Variants in NPLOC4 observed in about 807,000 individuals in gnomAD.
The protein encoded by NPLOC4 is nuclear protein localization protein 4 homolog.
A neutral mutation model predicts 80.6 loss-of-function variants in NPLOC4; 18 were observed. That is an observed-to-expected ratio of 0.22 (90% confidence interval 0.15 to 0.33). NPLOC4 has a LOEUF of 0.33. Ranked by LOEUF, NPLOC4 falls within the 10% of genes least tolerant of loss-of-function variation. The pLI, the probability that NPLOC4 is intolerant of heterozygous loss-of-function variation, is 1.00. For synonymous variants in NPLOC4, 313 were observed against 301.5 expected, an observed-to-expected ratio of 1.04 and a Z score of -0.39; for missense variants, 540 against 786.1, an observed-to-expected ratio of 0.69 and a Z score of 3.74.
chr17:81,563,994 T>C lies in NPLOC4; in HGVS notation c.1669+1511A>G, dbSNP rs1005724448. On this transcript the variant is annotated intron_variant, in intron 16 of 16. Transcript: ENST00000331134. ...TACTCGGGAGGCTGAGGGAGGGGAA[T>C]TGCTTCAACCCAGGAGGCAGAGTTT... 5 of 449,000 alleles carry C rather than the reference T, an allele frequency of 1.1e-5. No individual in the cohort carries two copies. The Admixed American group carries it at 1.2e-4, about 11-fold the overall frequency. 27.8% of individuals were successfully genotyped at this position (449,000 alleles called of 1,614,324 possible).
intron 15 of NPLOC4, among the ~76,000 whole-genome samples, chr17:81,566,213 T>C (rs2034007850): frequency 6.6e-6 from 1 of 152,086 alleles, no homozygotes; most frequent in South Asian, 2.1e-4. Flanking sequence ...GCACCTGTAA[T>C]CCCAGCTACT....
intron 12 of NPLOC4, among the ~76,000 whole-genome samples, chr17:81,584,388 C>G (rs1409951243): frequency 6.6e-6 from 1 of 152,140 alleles, no homozygotes; most frequent in Non-Finnish European, 1.5e-5. Context: ...GAGCTCCATT[C>G]CTAAGTGCAA....
chr17:81,597,334 A>G lies in NPLOC4; in HGVS notation c.922-18T>C. ...CAGCCAACCTTAAAAAAAGGAAAGTAGCTTTTAAACATCTCCTCAAGATAG... is the reference window on the plus strand; with the variant it reads ...CAGCCAACCTTAAAAAAAGGAAAGTGGCTTTTAAACATCTCCTCAAGATAG... On this transcript the variant is annotated intron_variant, in intron 9 of 16. Transcript: ENST00000331134. The G allele has an allele frequency of 6.2e-7, 1 of 1,602,886 alleles. No individual in the cohort carries two copies. The highest frequency in any genetic ancestry group is 2.2e-5 in the East Asian group (1 of 44,790).
chr17:81,582,097 T>C (rs549919968), intron 12 of NPLOC4, among the ~76,000 whole-genome samples: 17 of 152,086 alleles, frequency 1.1e-4, no homozygotes, highest in Non-Finnish European at 2.2e-4. Flanking sequence ...CCAGAAAACA[T>C]GGAGCATAGA....
At position 81,572,151 on chromosome 17, in the gene NPLOC4, A is replaced by G; in HGVS notation, c.1282-63T>C. On this transcript the variant is annotated intron_variant, in intron 12 of 16. Transcript: ENST00000331134. This position sits in a 1 kb window ranked among gnomAD's most constrained non-coding sequence, Gnocchi z 4.5. ...GATCAGTAGTAATGATTTTCCTTTC[A>G]CATGCTTGTCTCACCTTTTATTTAA... The G allele has an allele frequency of 1.1e-6, 1 of 925,518 alleles. No homozygotes were observed. The highest frequency in any genetic ancestry group is 2.3e-5 in the South Asian group (1 of 44,374). 57.3% of individuals were successfully genotyped at this position (925,518 alleles called of 1,614,324 possible). A position where few individuals can be genotyped will look rare whatever the true frequency, so the allele number is the denominator to read the frequency against.
chr17:81,585,205 A>G (rs1162144355), intron 12 of NPLOC4, among the ~76,000 whole-genome samples: 3 of 142,172 alleles, frequency 2.1e-5, no homozygotes, highest in Non-Finnish European at 4.6e-5. Context: ...AGAGTATGGT[A>G]TTAGTTCTGG....
At chr17:81,616,142 C>T (rs2035477881) in intron 3 of NPLOC4, among the ~76,000 whole-genome samples, 1 of 150,978 alleles carries the variant, frequency 6.6e-6, no homozygotes, top group Non-Finnish European at 1.5e-5. Flanking sequence ...CACAGTGAAA[C>T]CTCGTCTCTG....
intron 12 of NPLOC4, among the ~76,000 whole-genome samples, chr17:81,585,646 G>A (rs1021887576): frequency 2.8e-5 from 4 of 143,020 alleles, no homozygotes; most frequent in Admixed American, 2.1e-4. Flanking sequence ...GGGAGACAGA[G>A]GAAGACTCCA....
rs1325711038 is a variant in NPLOC4 at position 81,580,658 on chromosome 17, CAG to C, written c.1281+8284_1281+8285del. On this transcript the variant is annotated intron_variant, in intron 12 of 16. Transcript: ENST00000331134. The surrounding 1 kb of genome is among the most constrained non-coding windows in gnomAD (Gnocchi z 4.4). Reference sequence around the variant, plus strand: ...TCTCCCCTCTCAGGACTCGACCCACCAGGGCACTCCAAGCTTCTCTACCCGTT... The same window carrying C: ...TCTCCCCTCTCAGGACTCGACCCACCGGCACTCCAAGCTTCTCTACCCGTT... Among the ~76,000 whole-genome samples the C allele has an allele frequency of 6.6e-6, 1 of 152,190 alleles. No individual in the cohort carries two copies. The highest frequency in any genetic ancestry group is 1.5e-5 in the Non-Finnish European group (1 of 68,036).
At chr17:81,618,322 T>C (rs1312452459) in intron 3 of NPLOC4, among the ~76,000 whole-genome samples, 9 of 129,940 alleles carry the variant, frequency 6.9e-5, no homozygotes, top group Non-Finnish European at 1.3e-4. Context: ...CCGTCTGGGA[T>C]GTGAGGAGCG....
In NPLOC4 at chr17:81,556,899, CTT is replaced by C. The variant is rs1426225352; in HGVS notation, c.*2358_*2359del. 6.6e-6 allele frequency: 1 copy of C among 152,302 alleles called. No individual in the cohort carries two copies. Among genetic ancestry groups the C allele is most frequent in the African/African-American group, 2.4e-5 (1 of 41,454 alleles). The allele number at this position is 152,302 out of a possible 1,614,324, so 9.4% of individuals were successfully genotyped here. On this transcript the variant is annotated 3_prime_UTR_variant, in exon 17 of 17. Transcript: ENST00000331134. ...CAGGACCAGGCAGTTGCTTCAGGCG[CTT>C]TTATTAGGTTCCACTGCAGGGCTGG...
At chr17:81,623,526 C>G (rs1251148255) in intron 2 of NPLOC4, among the ~76,000 whole-genome samples, 2 of 149,216 alleles carry the variant, frequency 1.3e-5, no homozygotes, top group African/African-American at 4.9e-5. Context: ...CGGCCGGGCG[C>G]GGTGGCTGAC....
chr17:81,635,244 CAGG>C lies in NPLOC4; in HGVS notation c.15+1669_15+1671del, dbSNP rs1327563673. ...TGCAACCCCAGCTACTCGGCTGAGG[CAGG>C]AGAATTTCTTGAACCCGAGAGGCGG... is the stretch of plus-strand genomic sequence containing the variant. On this transcript the variant is annotated intron_variant, in intron 1 of 16. Coordinates refer to ENST00000331134, the MANE Select transcript of NPLOC4 (RefSeq NM_017921.4). Among the ~76,000 whole-genome samples, 32 of 150,866 alleles carry C rather than the reference CAGG, an allele frequency of 2.1e-4. No individual in the cohort carries two copies. In the South Asian group the frequency reaches 6.1e-3, roughly 29 times the overall value.
At position 81,629,774 on chromosome 17, in the gene NPLOC4, T is replaced by C; in HGVS notation, c.47A>G (p.Lys16Arg). ...TTCTCTCTTTGTTGCTGTGATCCGC[T>C]TCACTCCATCCGGGGACTGGACACG... ...IIRVQSPDGV[K>R]RITATKRETA... The change falls in exon 2 of 17, where the codon AAG becomes AGG. Residue 16 changes from lysine (K) to arginine (R), a missense_variant. Around this residue, in one of 6 missense-constraint regions of NPLOC4, gnomAD observed 62 missense variants for 84.4 expected, o/e 0.73. Transcript: ENST00000331134. The C allele has an allele frequency of 6.2e-7, 1 of 1,613,938 alleles. No homozygotes were observed.
chr17:81,604,210 T>C (rs1483310594), intron 8 of NPLOC4, among the ~76,000 whole-genome samples: 1 of 152,122 alleles, frequency 6.6e-6, no homozygotes, highest in Non-Finnish European at 1.5e-5. Context: ...GACTGCTGCA[T>C]GGTGGAAGAG....
In NPLOC4 at chr17:81,604,786, T is replaced by A; in HGVS notation, c.655-59A>T. 2.8e-6 allele frequency: 4 copies of A among 1,431,306 alleles called. No individual in the cohort carries two copies. The East Asian group carries it at 9.4e-5, about 34-fold the overall frequency. 88.7% of individuals were successfully genotyped at this position (1,431,306 alleles called of 1,614,324 possible). A position where few individuals can be genotyped will look rare whatever the true frequency, so the allele number is the denominator to read the frequency against. On this transcript the variant is annotated intron_variant, in intron 7 of 16. Coordinates refer to ENST00000331134, the MANE Select transcript of NPLOC4 (RefSeq NM_017921.4). ...ATGCCATCAAAAAGAAATCACTTGT[T>A]TTTCTAACACAAACCATTCATAAAT...
At chr17:81,620,076 C>A (rs1239369230) in intron 3 of NPLOC4, among the ~76,000 whole-genome samples, 1 of 152,116 alleles carries the variant, frequency 6.6e-6, no homozygotes, top group Non-Finnish European at 1.5e-5. Context: ...CCAAGTTCCT[C>A]AACAGATAAA....
intron 12 of NPLOC4, among the ~76,000 whole-genome samples, chr17:81,573,136 G>C (rs897061719): frequency 1.3e-5 from 2 of 152,184 alleles, no homozygotes; most frequent in Non-Finnish European, 2.9e-5. Context: ...TTCTGCAAGA[G>C]GGGATCACAT....
chr17:81,626,442 A>G (rs1246944662), intron 2 of NPLOC4, among the ~76,000 whole-genome samples: 2 of 152,246 alleles, frequency 1.3e-5, no homozygotes, highest in East Asian at 1.9e-4. Flanking sequence ...TCTCAAGTTA[A>G]GATACAAAGA....
Sources: allele counts gnomAD v4.1 joint callset (sites outside exome capture counted in the v4.1 genomes callset), GRCh38; gene constraint gnomAD v4.1.1; regional missense constraint gnomAD v4.1.1; non-coding constraint Gnocchi (gnomAD v3.1); transcripts MANE v1.5; gene names NCBI Gene and HGNC (gene_info 2026-07-23, HGNC 2026-07-21).